Variants in CFAP44 observed in about 807,000 individuals in gnomAD.
CFAP44 encodes the protein cilia- and flagella-associated protein 44.
A neutral mutation model predicts 216.2 loss-of-function variants in CFAP44; 134 were observed. The ratio of observed to expected loss-of-function variants is 0.62; its 90% CI spans 0.54 to 0.72. The LOEUF is 0.72. Ranked by LOEUF, CFAP44 falls within the 30% of genes least tolerant of loss-of-function variation. CFAP44 has a pLI of 0.00. For missense variants in CFAP44, 2,035 were observed against 2,182.1 expected (o/e 0.93, Z 1.34); for synonymous variants, 700 against 727.6 (o/e 0.96, Z 0.61).
chr3:113,389,010 C>T (rs1300787998), intron 15 of CFAP44, among the ~76,000 whole-genome samples: 1 of 152,114 alleles, frequency 6.6e-6, no homozygotes, highest in African/African-American at 2.4e-5. Flanking sequence ...TTAATCTGCA[C>T]TATAGACCAA....
chr3:113,411,717 A>C (rs1050427564), intron 6 of CFAP44, among the ~76,000 whole-genome samples: 34 of 152,194 alleles, frequency 2.2e-4, no homozygotes, highest in Admixed American at 2.6e-4. Flanking sequence ...CATTGAATCT[A>C]TAAATTACCT....
At chr3:113,386,829 T>C (rs1933665103) in intron 15 of CFAP44, among the ~76,000 whole-genome samples, 1 of 152,200 alleles carries the variant, frequency 6.6e-6, no homozygotes, top group East Asian at 1.9e-4. Context: ...CTTGAATTGC[T>C]GACACCACTC....
At chr3:113,425,457 T>G (rs1033663126) in intron 4 of CFAP44, among the ~76,000 whole-genome samples, 1 of 152,242 alleles carries the variant, frequency 6.6e-6, no homozygotes, top group African/African-American at 2.4e-5. Flanking sequence ...ATCCTGTTTC[T>G]ACATATCTTA....
intron 24 of CFAP44, among the ~76,000 whole-genome samples, chr3:113,341,158 A>G (rs1950329801): frequency 6.6e-6 from 1 of 152,152 alleles, no homozygotes; most frequent in Non-Finnish European, 1.5e-5. Flanking sequence ...GGATAGGGGC[A>G]TGGCAAGCCA....
At chr3:113,309,297 TAAAACA>T (rs969608472) in intron 28 of CFAP44, among the ~76,000 whole-genome samples, 9 of 152,194 alleles carry the variant, frequency 5.9e-5, no homozygotes, top group African/African-American at 2.2e-4. Flanking sequence ...AAAGTCCTGT[TAAAACA>T]GTCTAGAGAA....
At chr3:113,330,738 C>T in intron 25 of CFAP44, 70 bp from the exon 26 acceptor site, 2 of 1,437,150 alleles carry the variant, frequency 1.4e-6, no homozygotes, top group African/African-American at 1.4e-5. Context: ...ATATGATCTG[C>T]TCTTTTCTGT....
At chr3:113,377,463 C>A (rs1305978316) in intron 17 of CFAP44, among the ~76,000 whole-genome samples, 4 of 151,986 alleles carry the variant, frequency 2.6e-5, no homozygotes, top group Non-Finnish European at 4.4e-5. Context: ...AGTTATATGG[C>A]CTCAGATAAA....
intron 2 of CFAP44, among the ~76,000 whole-genome samples, chr3:113,432,645 G>A (rs181658485): frequency 1.6e-3 from 239 of 152,130 alleles, no homozygotes; most frequent in African/African-American, 5.3e-3. Flanking sequence ...CTATCTCTCC[G>A]CCCTTGCAAT....
At position 113,288,465 on chromosome 3, in the gene CFAP44, T is replaced by C. The variant is rs1949796543; in HGVS notation, c.*3092A>G. Reference sequence around the variant, plus strand: ...AGGGAAGAGAAGAGAAAAAATAAGATACTGTGATTTCAGACAACCTGGCAT... The same window carrying C: ...AGGGAAGAGAAGAGAAAAAATAAGACACTGTGATTTCAGACAACCTGGCAT... On this transcript the variant is annotated 3_prime_UTR_variant, in exon 35 of 35. Coordinates refer to ENST00000393845, the MANE Select transcript of CFAP44 (RefSeq NM_001164496.2). The C allele has an allele frequency of 6.6e-6, 1 of 152,178 alleles. No homozygotes were observed. The highest frequency in any genetic ancestry group is 1.5e-5 in the Non-Finnish European group (1 of 68,048). 9.4% of individuals were successfully genotyped at this position (152,178 alleles called of 1,614,324 possible).
chr3:113,428,849 T>C (rs997080640), intron 2 of CFAP44: 5 of 152,104 alleles, frequency 3.3e-5, no homozygotes, highest in African/African-American at 1.2e-4. Flanking sequence ...GACCCACAAT[T>C]TTATATACAA....
intron 5 of CFAP44, among the ~76,000 whole-genome samples, chr3:113,417,861 A>G (rs1024216560): frequency 3.3e-5 from 5 of 152,184 alleles, no homozygotes; most frequent in Non-Finnish European, 7.3e-5. Flanking sequence ...GATTAAGACC[A>G]TATCTATCTA....
rs555527179 is a variant in CFAP44, at chr3:113,335,076, G to C, written c.3438-1493C>G. The stretch of plus-strand genomic sequence containing the variant: ...GGAAAGGAAAGAAAGAAAAAGGAAG[G>C]AAAGAAAAAGGGAGGGAAGGGAAGA... On this transcript the variant is annotated intron_variant, in intron 24 of 34. Transcript: ENST00000393845. Among the ~76,000 whole-genome samples, 3 of 152,126 alleles carry C rather than the reference G, an allele frequency of 2.0e-5. No homozygotes were observed. In the East Asian group the frequency reaches 5.8e-4, roughly 29 times the overall value.
intron 7 of CFAP44, among the ~76,000 whole-genome samples, chr3:113,408,121 T>A (rs187753420): frequency 5.8e-4 from 88 of 152,228 alleles, no homozygotes; most frequent in African/African-American, 2.1e-3. Flanking sequence ...AAGACCAGAT[T>A]TAAATTGAGA....
At chr3:113,324,593 C>A (rs1036619589) in intron 28 of CFAP44, among the ~76,000 whole-genome samples, 5 of 152,158 alleles carry the variant, frequency 3.3e-5, no homozygotes, top group African/African-American at 1.2e-4. Context: ...AAAAGAGGAA[C>A]AGAGGTGAAC....
chr3:113,349,187 CCTT>C (rs1378258673), intron 22 of CFAP44, among the ~76,000 whole-genome samples: 17 of 152,156 alleles, frequency 1.1e-4, no homozygotes, highest in Non-Finnish European at 1.5e-5. Flanking sequence ...GGAAGAAAAT[CCTT>C]CTGCCTTCCT....
At chr3:113,308,718 G>A (rs983665536) in intron 28 of CFAP44, among the ~76,000 whole-genome samples, 7 of 152,032 alleles carry the variant, frequency 4.6e-5, no homozygotes, top group Admixed American at 3.9e-4. Context: ...AGCCTTCTGA[G>A]TAGCTGGAAT....
chr3:113,311,002 T>C (rs1950032534), intron 28 of CFAP44, among the ~76,000 whole-genome samples: 1 of 152,168 alleles, frequency 6.6e-6, no homozygotes, highest in Non-Finnish European at 1.5e-5. Context: ...TTACCCAATA[T>C]CAGGTATTTC....
intron 28 of CFAP44, among the ~76,000 whole-genome samples, chr3:113,315,892 T>G (rs1481435222): frequency 6.6e-6 from 1 of 152,236 alleles, no homozygotes; most frequent in African/African-American, 2.4e-5. Flanking sequence ...GCTACTATGT[T>G]TGGTAGGTTA....
At chr3:113,371,605 A>T (rs144257674) in intron 18 of CFAP44, among the ~76,000 whole-genome samples, 150 of 152,330 alleles carry the variant, frequency 9.8e-4, no homozygotes, top group African/African-American at 3.2e-3. Flanking sequence ...ACTTAAATGT[A>T]AGACCTAAAG....
Sources: allele counts gnomAD v4.1 joint callset (sites outside exome capture counted in the v4.1 genomes callset), GRCh38; gene constraint gnomAD v4.1.1; transcripts MANE v1.5; gene names NCBI Gene and HGNC (gene_info 2026-07-23, HGNC 2026-07-21).